Variants in ADAMTS6 observed in about 807,000 individuals in gnomAD.
ADAMTS6 encodes ADAM metallopeptidase with thrombospondin type 1 motif 6, also known as A disintegrin and metalloproteinase with thrombospondin motifs 6.
In ADAMTS6, 23 loss-of-function variants were observed where a neutral mutation model predicts 144.3. The observed-to-expected ratio is 0.16, with a 90% CI of 0.11 to 0.23. The LOEUF (loss-of-function observed/expected upper bound fraction) is 0.23, where lower values mean the gene tolerates loss of function less well. ADAMTS6 is among the 10% of genes least tolerant of loss of function. The pLI, the probability that ADAMTS6 is intolerant of heterozygous loss-of-function variation, is 1.00. For synonymous variants in ADAMTS6, 444 were observed against 457.5 expected (o/e 0.97, Z 0.38); for missense variants, 999 against 1,379.6 (o/e 0.72, Z 4.37).
intron 11 of ADAMTS6, among the ~76,000 whole-genome samples, chr5:65,277,263 G>GCATT (rs1285986266): frequency 2.6e-5 from 4 of 152,106 alleles, no homozygotes; most frequent in African/African-American, 9.7e-5. Context: ...TATGCACCAG[G>GCATT]CATTATGTTG....
intron 24 of ADAMTS6, among the ~76,000 whole-genome samples, chr5:65,160,670 G>A (rs933575088): frequency 2.5e-5 from 1 of 40,302 alleles, no homozygotes; most frequent in Non-Finnish European, 5.5e-5. Flanking sequence ...TTTTTTTTTT[G>A]AGACAGAGTT....
chr5:65,383,673 T>C (rs1354707091), intron 7 of ADAMTS6, among the ~76,000 whole-genome samples: 1 of 152,104 alleles, frequency 6.6e-6, no homozygotes, highest in Non-Finnish European at 1.5e-5. Flanking sequence ...TGCACTTTGA[T>C]TCCTCTACTG....
chr5:65,352,426 G>A (rs1044131939), intron 7 of ADAMTS6, among the ~76,000 whole-genome samples: 1 of 151,954 alleles, frequency 6.6e-6, no homozygotes, highest in Non-Finnish European at 1.5e-5. Flanking sequence ...AATTAACAGC[G>A]GTTTTTGGCT....
intron 7 of ADAMTS6, among the ~76,000 whole-genome samples, chr5:65,335,625 T>C (rs1029918389): frequency 1.3e-5 from 2 of 152,216 alleles, no homozygotes; most frequent in South Asian, 4.1e-4. Context: ...TGAACATTTA[T>C]CATATGCCCA....
At chr5:65,337,221 G>A (rs1053542345) in intron 7 of ADAMTS6, among the ~76,000 whole-genome samples, 1 of 151,964 alleles carries the variant, frequency 6.6e-6, no homozygotes, top group Admixed American at 6.5e-5. Context: ...CATACTTTGT[G>A]TATACTCACT....
chr5:65,313,128 AACAC>A (rs61525269), intron 9 of ADAMTS6, among the ~76,000 whole-genome samples: 11,041 of 135,644 alleles, frequency 0.081, 514 homozygotes, highest in African/African-American at 0.13. Context: ...TTATTTCTGC[AACAC>A]ACACACACAC....
chr5:65,208,270 T>C (rs1397140101), intron 20 of ADAMTS6, among the ~76,000 whole-genome samples: 1 of 152,248 alleles, frequency 6.6e-6, no homozygotes, highest in African/African-American at 2.4e-5. Flanking sequence ...GGCTGTATGT[T>C]AGAATTACCT....
At chr5:65,384,915 G>A (rs1752363844) in intron 7 of ADAMTS6, among the ~76,000 whole-genome samples, 1 of 152,174 alleles carries the variant, frequency 6.6e-6, no homozygotes, top group African/African-American at 2.4e-5. Flanking sequence ...AAGATCAAGG[G>A]AGCAGCAGAT....
chr5:65,410,146 GA>G (rs1754927387), intron 7 of ADAMTS6, among the ~76,000 whole-genome samples: 1 of 152,124 alleles, frequency 6.6e-6, no homozygotes, highest in Non-Finnish European at 1.5e-5. Context: ...ACATCAAAAA[GA>G]AAAGTTGGGA....
intron 22 of ADAMTS6, among the ~76,000 whole-genome samples, chr5:65,183,682 C>T (rs1216781519): frequency 2.6e-5 from 4 of 151,758 alleles, no homozygotes. Context: ...TCTAGAAAAG[C>T]AAGATGAGCC....
chr5:65,429,135 C>T lies in ADAMTS6; in HGVS notation c.1073+22340G>A, dbSNP rs978881493. Reference sequence around the variant, plus strand: ...GAAGCAGGTCATAAAACCTAACTGACCTTTCCCTGAAAATCAGCTATTAGA... The same window carrying T: ...GAAGCAGGTCATAAAACCTAACTGATCTTTCCCTGAAAATCAGCTATTAGA... On this transcript the variant is annotated intron_variant, in intron 7 of 24. Transcript: ENST00000381055. Among the ~76,000 whole-genome samples the T allele has an allele frequency of 2.0e-5, 3 of 152,280 alleles. No individual in the cohort carries two copies. In the East Asian group the frequency reaches 5.8e-4, roughly 29 times the overall value.
At chr5:65,180,224 C>G (rs1027542287) in intron 22 of ADAMTS6, among the ~76,000 whole-genome samples, 7 of 152,124 alleles carry the variant, frequency 4.6e-5, no homozygotes, top group African/African-American at 1.7e-4. Flanking sequence ...AGATGAACAT[C>G]AATGATTCAA....
chr5:65,410,737 T>C (rs1378092932), intron 7 of ADAMTS6, among the ~76,000 whole-genome samples: 1 of 152,184 alleles, frequency 6.6e-6, no homozygotes, highest in Non-Finnish European at 1.5e-5. Flanking sequence ...CTTTGACTTT[T>C]TTATATATAC....
chr5:65,445,382 G>C (rs965690620), intron 7 of ADAMTS6, among the ~76,000 whole-genome samples: 1 of 152,086 alleles, frequency 6.6e-6, no homozygotes, highest in Non-Finnish European at 1.5e-5. Flanking sequence ...CTATTGCCCA[G>C]GCTGGAGTGC....
chr5:65,313,204 C>G (rs976942118), intron 9 of ADAMTS6, among the ~76,000 whole-genome samples: 2 of 150,046 alleles, frequency 1.3e-5, no homozygotes, highest in African/African-American at 4.9e-5. Context: ...ATTCCAGATA[C>G]TTAATGCAGT....
chr5:65,193,919 T>A (rs1755168429), intron 21 of ADAMTS6, among the ~76,000 whole-genome samples: 1 of 152,206 alleles, frequency 6.6e-6, no homozygotes, highest in South Asian at 2.1e-4. Flanking sequence ...GAACTGACTA[T>A]AAAGTGTCAT....
chr5:65,354,901 T>C (rs751215534), intron 7 of ADAMTS6, among the ~76,000 whole-genome samples: 3 of 151,802 alleles, frequency 2.0e-5, no homozygotes, highest in Non-Finnish European at 4.4e-5. Flanking sequence ...TTAGCCCTAA[T>C]ATAGTTAAGA....
At chr5:65,260,324 G>A (rs1276666210) in intron 14 of ADAMTS6, among the ~76,000 whole-genome samples, 2 of 152,168 alleles carry the variant, frequency 1.3e-5, no homozygotes, top group Non-Finnish European at 2.9e-5. Flanking sequence ...TGTTGAAGTT[G>A]TGAGTGTGTG....
In ADAMTS6 at chr5:65,322,843, C is replaced by T. The variant is rs537298504; in HGVS notation, c.1223+6535G>A. 7.2e-5 allele frequency among the ~76,000 whole-genome samples: 11 copies of T among 152,194 alleles called. No individual in the cohort carries two copies. In the South Asian group the frequency reaches 2.3e-3, roughly 32 times the overall value. On this transcript the variant is annotated intron_variant, in intron 9 of 24. Coordinates refer to ENST00000381055, the MANE Select transcript of ADAMTS6 (RefSeq NM_197941.4). The stretch of plus-strand genomic sequence containing the variant: ...TCTGCAAACAGGGATAGTTTGACTT[C>T]CTCTCTTCCTATTCGAATGCCGTTT...
Sources: allele counts gnomAD v4.1 joint callset (sites outside exome capture counted in the v4.1 genomes callset), GRCh38; gene constraint gnomAD v4.1.1; transcripts MANE v1.5; gene names NCBI Gene and HGNC (gene_info 2026-07-23, HGNC 2026-07-21).